The following PLD5 variants were observed in gnomAD, a reference collection of about 807,000 sequenced individuals.
PLD5 encodes phospholipase D family member 5, also known as inactive phospholipase D5.
PLD5 carries 36 observed loss-of-function variants against 61.1 expected under a neutral mutation model. The ratio of observed to expected loss-of-function variants is 0.59; its 90% confidence interval spans 0.45 to 0.78. PLD5 has a LOEUF of 0.78. Among genes scored for constraint, PLD5 ranks in the 30% least tolerant of loss-of-function variants. PLD5 has a pLI of 0.00. For synonymous variants in PLD5, 243 were observed against 242.8 expected (o/e 1.00, Z -0.01); for missense variants, 515 against 644.4 (o/e 0.80, Z 2.17).
rs550557904 is a variant in PLD5 at position 242,095,958 on chromosome 1, T to A, written c.1354+4710A>T. 5.5e-4 allele frequency among the ~76,000 whole-genome samples: 83 copies of A among 152,198 alleles called. 3 individuals are homozygous for A. In the South Asian group the frequency reaches 0.016, roughly 30 times the overall value. ...CAGGAATGAAATAATATTCTCTCTT[T>A]TTTTTTCTTTTTTTTGAGACAGAGG... On this transcript the variant is annotated intron_variant, in intron 9 of 9. Coordinates refer to ENST00000536534, the MANE Select transcript of PLD5 (RefSeq NM_001372062.1).
chr1:242,231,838 T>C (rs1350290497), intron 4 of PLD5, among the ~76,000 whole-genome samples: 1 of 150,126 alleles, frequency 6.7e-6, no homozygotes, highest in African/African-American at 2.5e-5. Flanking sequence ...ACAAAGAAAT[T>C]GAAATGACTA....
rs890071644 is a variant in PLD5, at chr1:242,157,373, T to G, written c.736-32708A>C. Among the ~76,000 whole-genome samples the G allele has an allele frequency of 2.6e-5, 4 of 152,300 alleles. No homozygotes were observed. The East Asian group carries it at 7.7e-4, about 29-fold the overall frequency. ...ACTTATGTCAGTTCATCAAGCTCAT[T>G]CTCTGTCCAGTTTTGCTCCCTTGCT... On this transcript the variant is annotated intron_variant, in intron 5 of 9. Coordinates refer to ENST00000536534, the MANE Select transcript of PLD5 (RefSeq NM_001372062.1).
chr1:242,306,786 CACACA>C (rs1558449169), intron 2 of PLD5, among the ~76,000 whole-genome samples: 1 of 53,062 alleles, frequency 1.9e-5, no homozygotes, highest in African/African-American at 6.6e-5. Flanking sequence ...CACACACACA[CACACA>C]CCCCACTTAC....
chr1:242,339,458 G>A (rs1452539173), intron 2 of PLD5, among the ~76,000 whole-genome samples: 4 of 152,204 alleles, frequency 2.6e-5, no homozygotes, highest in Non-Finnish European at 5.9e-5. Context: ...TCAGGACTCA[G>A]AGAATGCAGA....
chr1:242,275,907 G>C (rs896900029), intron 3 of PLD5, among the ~76,000 whole-genome samples: 6 of 152,216 alleles, frequency 3.9e-5, no homozygotes, highest in Admixed American at 3.9e-4. Flanking sequence ...ATTTAACCCA[G>C]TGAAGGACAC....
intron 1 of PLD5, among the ~76,000 whole-genome samples, chr1:242,461,336 A>T (rs1447742694): frequency 6.6e-6 from 1 of 152,146 alleles, no homozygotes; most frequent in Non-Finnish European, 1.5e-5. Context: ...TTCAACACAC[A>T]GTTGAAGGCC....
intron 5 of PLD5, among the ~76,000 whole-genome samples, chr1:242,165,750 C>T (rs1040422181): frequency 6.6e-6 from 1 of 152,196 alleles, no homozygotes; most frequent in African/African-American, 2.4e-5. Context: ...ATACCACACC[C>T]AAATGGCTCA....
chr1:242,292,910 A>G (rs201920081), intron 2 of PLD5, among the ~76,000 whole-genome samples: 1 of 133,876 alleles, frequency 7.5e-6, no homozygotes, highest in Admixed American at 8.5e-5. Flanking sequence ...TTCCTTTGCA[A>G]TCCTCTGTAT....
chr1:242,411,940 A>G (rs1664580285), intron 1 of PLD5, among the ~76,000 whole-genome samples: 1 of 141,048 alleles, frequency 7.1e-6, no homozygotes, highest in East Asian at 1.9e-4. Flanking sequence ...TCCTTTAAAA[A>G]AGAAAAAAAA....
intron 8 of PLD5, among the ~76,000 whole-genome samples, chr1:242,105,703 C>T (rs961163390): frequency 6.6e-6 from 1 of 151,972 alleles, no homozygotes; most frequent in Non-Finnish European, 1.5e-5. Flanking sequence ...TATGAAAAAT[C>T]CTTTAAGTGG....
At chr1:242,297,579 C>T (rs1472539541) in intron 2 of PLD5, among the ~76,000 whole-genome samples, 1 of 150,708 alleles carries the variant, frequency 6.6e-6, no homozygotes, top group Non-Finnish European at 1.5e-5. Context: ...CTAACCATCA[C>T]TTTTATATTA....
At chr1:242,294,424 G>A (rs1436558078) in intron 2 of PLD5, among the ~76,000 whole-genome samples, 1 of 152,132 alleles carries the variant, frequency 6.6e-6, no homozygotes, top group Non-Finnish European at 1.5e-5. Context: ...ACTATTTGTA[G>A]TTTCCCTTTA....
intron 1 of PLD5, among the ~76,000 whole-genome samples, chr1:242,466,389 G>C (rs900942829): frequency 6.6e-6 from 1 of 152,096 alleles, no homozygotes; most frequent in Admixed American, 6.5e-5. Flanking sequence ...TGAGAAATTA[G>C]TACGGGCATG....
At chr1:242,343,461 G>A (rs978091668) in intron 2 of PLD5, among the ~76,000 whole-genome samples, 2 of 151,948 alleles carry the variant, frequency 1.3e-5, no homozygotes, top group African/African-American at 4.8e-5. Context: ...GAAGTCATGA[G>A]AGGAAGGACT....
At chr1:242,159,104 T>C (rs187850414) in intron 5 of PLD5, among the ~76,000 whole-genome samples, 30 of 152,326 alleles carry the variant, frequency 2.0e-4, no homozygotes, top group East Asian at 9.6e-4. Context: ...TTTTTCTTAA[T>C]ATATTGATAC....
chr1:242,248,918 C>A lies in PLD5; in HGVS notation c.607+16419G>T, dbSNP rs1314048145. ...ATCCCAGTACTTTAGGAGGCCAAGG[C>A]GGGCGGATCACCTAAGGTCAGGAGT... On this transcript the variant is annotated intron_variant, in intron 4 of 9. Coordinates refer to ENST00000536534, the MANE Select transcript of PLD5 (RefSeq NM_001372062.1). Among the ~76,000 whole-genome samples the A allele has an allele frequency of 2.0e-5, 3 of 152,022 alleles. No homozygotes were observed. The East Asian group carries it at 5.8e-4, about 29-fold the overall frequency.
intron 1 of PLD5, among the ~76,000 whole-genome samples, chr1:242,442,757 T>C (rs143188069): frequency 6.6e-6 from 1 of 152,328 alleles, no homozygotes; most frequent in African/African-American, 2.4e-5. Context: ...ACACTTATAA[T>C]CCTAAACTAG....
intron 1 of PLD5, among the ~76,000 whole-genome samples, chr1:242,512,241 C>T (rs1236724290): frequency 1.4e-5 from 2 of 146,830 alleles, no homozygotes; most frequent in Non-Finnish European, 3.0e-5. Context: ...GAAACCTCGT[C>T]TCTACTAAAA....
intron 3 of PLD5, among the ~76,000 whole-genome samples, chr1:242,285,017 C>T (rs2937882): frequency 6.6e-6 from 1 of 152,168 alleles, no homozygotes; most frequent in Non-Finnish European, 1.5e-5. Context: ...GGTGTCTCTT[C>T]GGCAGGAGCA....
Sources: allele counts gnomAD v4.1 joint callset (sites outside exome capture counted in the v4.1 genomes callset), GRCh38; gene constraint gnomAD v4.1.1; transcripts MANE v1.5; gene names NCBI Gene and HGNC (gene_info 2026-07-23, HGNC 2026-07-21).